Variants in METAP1 observed in about 807,000 individuals in gnomAD.
METAP1 encodes the protein methionyl aminopeptidase 1.
A neutral mutation model predicts 53.8 loss-of-function variants in METAP1; 28 were observed. The ratio of observed to expected loss-of-function variants is 0.52; its 90% CI spans 0.39 to 0.71. The LOEUF is 0.71. METAP1 is among the 30% of genes least tolerant of loss of function. The probability of loss-of-function intolerance (pLI) is 0.00; values close to 1 mark genes in which losing one functional copy is unlikely to be tolerated. For synonymous variants in METAP1, 181 were observed against 165.7 expected (o/e 1.09, Z -0.71); for missense variants, 389 against 479.8 (o/e 0.81, Z 1.77).
chr4:99,057,120 C>T lies in METAP1; in HGVS notation c.932-633C>T, dbSNP rs573950832. On this transcript the variant is annotated intron_variant, in intron 9 of 10. Coordinates refer to ENST00000296411, the MANE Select transcript of METAP1 (RefSeq NM_015143.3). ...CCTGCCTCAGGTGATCCACCTGCCTCGGCTTCCCAAAGTGCTGGGATTATA... is the reference window on the plus strand; with the variant it reads ...CCTGCCTCAGGTGATCCACCTGCCTTGGCTTCCCAAAGTGCTGGGATTATA... Among the ~76,000 whole-genome samples the T allele has an allele frequency of 5.3e-5, 8 of 152,322 alleles. 1 individual carries two copies. The highest frequency in any genetic ancestry group is 1.7e-4 in the African/African-American group (7 of 41,576).
intron 1 of METAP1, among the ~76,000 whole-genome samples, chr4:99,027,431 T>C (rs1276328948): frequency 6.6e-6 from 1 of 152,060 alleles, no homozygotes; most frequent in Non-Finnish European, 1.5e-5. Context: ...CTTTTAGGCC[T>C]GCAGAACAGA....
intron 6 of METAP1, 103 bp downstream of exon 6, chr4:99,041,229 G>C (rs913825091): frequency 1.4e-5 from 10 of 702,532 alleles, no homozygotes; most frequent in Non-Finnish European, 1.1e-5. Flanking sequence ...AAGGTAACTT[G>C]GGTAAACTCA....
rs555351077 is a variant in METAP1 at position 99,059,864 on chromosome 4, T to A, written c.998-1290T>A. 2.3e-4 allele frequency among the ~76,000 whole-genome samples: 35 copies of A among 152,304 alleles called. No individual in the cohort carries two copies. In the South Asian group the frequency reaches 6.2e-3, roughly 27 times the overall value. On this transcript the variant is annotated intron_variant, in intron 10 of 10. Transcript: ENST00000296411. ...TATTTTTCTTATGCTCTCACACCAG[T>A]CTTTCTTTTGCCCCTCTTTCTGATT...
At chr4:99,057,523 G>C (rs569180615) in intron 9 of METAP1, among the ~76,000 whole-genome samples, 8 of 146,506 alleles carry the variant, frequency 5.5e-5, no homozygotes, top group African/African-American at 1.9e-4. Context: ...AAATACCTCT[G>C]TTTTCCTAGA....
intron 5 of METAP1, among the ~76,000 whole-genome samples, chr4:99,040,777 TTGA>T: frequency 6.6e-6 from 1 of 151,808 alleles, no homozygotes; most frequent in East Asian, 1.9e-4. Flanking sequence ...CCTCTATCAG[TTGA>T]TGATAGTTTA....
chr4:99,025,507 G>A (rs762463812), intron 1 of METAP1: 42 of 941,846 alleles, frequency 4.5e-5, no homozygotes, highest in Non-Finnish European at 5.1e-5. Flanking sequence ...TTGAAGTGGG[G>A]AATAACATGG....
intron 8 of METAP1, among the ~76,000 whole-genome samples, chr4:99,046,951 A>AAAAAAAAAAAAAAG (rs1726301938): frequency 1.3e-5 from 2 of 148,354 alleles, no homozygotes; most frequent in African/African-American, 2.6e-5. Flanking sequence ...AAAAAAAAAA[A>AAAAAAAAAAAAAAG]AAAAAAAGAA....
At chr4:99,045,100 G>A in intron 7 of METAP1, 79 bp from the exon 8 acceptor site, 1 of 1,409,738 alleles carries the variant, frequency 7.1e-7, no homozygotes, top group Non-Finnish European at 9.7e-7. Context: ...TAAGTTGCTA[G>A]ATGCTGTCAT....
At chr4:99,013,604 A>G (rs943599641) in intron 1 of METAP1, among the ~76,000 whole-genome samples, 15 of 152,200 alleles carry the variant, frequency 9.9e-5, no homozygotes, top group East Asian at 5.8e-4. Context: ...GCAATCCCCT[A>G]TGGCTGTGTC....
At chr4:98,998,415 C>A (rs889559600) in intron 1 of METAP1, among the ~76,000 whole-genome samples, 7 of 152,132 alleles carry the variant, frequency 4.6e-5, no homozygotes, top group East Asian at 3.9e-4. Context: ...CCCAGCTACT[C>A]AGGAGGCTGA....
At position 99,057,836 on chromosome 4, in the gene METAP1, C is replaced by T; in HGVS notation, c.997+18C>T. On this transcript the variant is annotated intron_variant, in intron 10 of 10. Coordinates refer to ENST00000296411, the MANE Select transcript of METAP1 (RefSeq NM_015143.3). ...TTGTGAAGGTGAGAAAAAAGGATGC[C>T]ATGATATTTTTCAATTGAATTTATA... 1.3e-6 allele frequency: 2 copies of T among 1,570,206 alleles called. No homozygotes were observed. Among genetic ancestry groups the T allele is most frequent in the Non-Finnish European group, 1.7e-6 (2 of 1,154,422 alleles).
chr4:99,004,490 CACACACACACACACACACACACAA>C (rs1723084765), intron 1 of METAP1, among the ~76,000 whole-genome samples: 2 of 38,594 alleles, frequency 5.2e-5, no homozygotes, highest in African/African-American at 1.1e-4. Flanking sequence ...CACATACACA[CACACACACACACACACACACACAA>C]AATAACACAG....
chr4:99,007,235 G>A (rs961419146), intron 1 of METAP1, among the ~76,000 whole-genome samples: 1 of 152,096 alleles, frequency 6.6e-6, no homozygotes, highest in Admixed American at 6.6e-5. Context: ...GGGATTACAG[G>A]TGTGAGCCAC....
At chr4:99,014,932 A>G (rs907575926) in intron 1 of METAP1, among the ~76,000 whole-genome samples, 2 of 152,186 alleles carry the variant, frequency 1.3e-5, no homozygotes, top group Non-Finnish European at 1.5e-5. Flanking sequence ...GCCCTGGAAG[A>G]TGGAGGCTGA....
intron 9 of METAP1, among the ~76,000 whole-genome samples, chr4:99,056,973 T>G (rs1353486124): frequency 1.3e-5 from 2 of 152,130 alleles, no homozygotes; most frequent in Admixed American, 6.5e-5. Flanking sequence ...TTCCAGTGAT[T>G]CCCTGCTTCA....
chr4:99,048,081 A>G lies in METAP1; in HGVS notation c.788-652A>G, dbSNP rs151165229. Among the ~76,000 whole-genome samples the G allele has an allele frequency of 5.2e-3, 799 of 152,308 alleles. 8 individuals carry two copies. The highest frequency in any genetic ancestry group is 0.024 in the Admixed American group (361 of 15,290). Reference sequence around the variant, plus strand: ...GCACTTTCTTATCTCTTCTGCTCATATTAATAGAATGGAACACTTGGCCTT... The same window carrying G: ...GCACTTTCTTATCTCTTCTGCTCATGTTAATAGAATGGAACACTTGGCCTT... On this transcript the variant is annotated intron_variant, in intron 8 of 10. Coordinates refer to ENST00000296411, the MANE Select transcript of METAP1 (RefSeq NM_015143.3).
intron 5 of METAP1, among the ~76,000 whole-genome samples, chr4:99,039,805 GCTGGTC>G (rs1372833541): frequency 3.3e-5 from 5 of 152,084 alleles, no homozygotes; most frequent in African/African-American, 1.2e-4. Flanking sequence ...TGTTGCCCAG[GCTGGTC>G]TCGAACTCCT....
intron 1 of METAP1, among the ~76,000 whole-genome samples, chr4:99,024,468 A>G (rs1724408861): frequency 6.6e-6 from 1 of 152,062 alleles, no homozygotes; most frequent in South Asian, 2.1e-4. Context: ...AGTTGGGAGT[A>G]CTGATTGGTT....
At chr4:99,051,346 TAAG>T (rs761269299) in intron 9 of METAP1, among the ~76,000 whole-genome samples, 1 of 152,164 alleles carries the variant, frequency 6.6e-6, no homozygotes, top group Non-Finnish European at 1.5e-5. Flanking sequence ...TGATTAGACA[TAAG>T]AAACAATTAT....
Sources: gnomAD v4.1 joint callset for allele counts (sites outside exome capture counted in the v4.1 genomes callset) on GRCh38, gnomAD v4.1.1 for gene constraint, MANE v1.5 for transcripts, NCBI Gene and HGNC (gene_info 2026-07-23, HGNC 2026-07-21) for gene names.